The following GREM2 variants were observed in gnomAD, a reference collection of about 807,000 sequenced individuals.
GREM2 encodes gremlin-2.
In GREM2, 11 loss-of-function variants were observed where a neutral mutation model predicts 14.2. The observed-to-expected ratio is 0.78, with a 90% confidence interval of 0.49 to 1.28. The LOEUF is 1.28. Ranked by LOEUF, GREM2 falls within the 50% of genes most tolerant of loss-of-function variation. The probability of loss-of-function intolerance (pLI) is 0.00; values close to 1 mark genes in which losing one functional copy is unlikely to be tolerated. For missense variants in GREM2, 210 were observed against 218.5 expected (o/e 0.96, Z 0.24); for synonymous variants, 98 against 97.6 (o/e 1.00, Z -0.02).
intron 1 of GREM2, among the ~76,000 whole-genome samples, chr1:240,554,151 C>G (rs907929166): frequency 2.6e-5 from 4 of 152,028 alleles, no homozygotes; most frequent in African/African-American, 9.7e-5. Context: ...TGGCTCACAC[C>G]TGTAATCCCA....
At chr1:240,527,334 A>G (rs1221155136) in intron 1 of GREM2, among the ~76,000 whole-genome samples, 1 of 152,210 alleles carries the variant, frequency 6.6e-6, no homozygotes, top group East Asian at 1.9e-4. Context: ...GGGAGTCTTT[A>G]AAATAATACT....
intron 1 of GREM2, among the ~76,000 whole-genome samples, chr1:240,595,442 C>T (rs1279140684): frequency 1.3e-5 from 2 of 152,312 alleles, no homozygotes; most frequent in East Asian, 1.9e-4. Context: ...CCCTTTCCTG[C>T]ACCCCCTCCT....
intron 1 of GREM2, among the ~76,000 whole-genome samples, chr1:240,538,552 T>A (rs557159315): frequency 9.8e-4 from 148 of 150,612 alleles, no homozygotes; most frequent in African/African-American, 2.6e-3. Context: ...AAAAAAATAA[T>A]AATAATAATA....
At chr1:240,497,658 T>TC (rs1677460497) in intron 1 of GREM2, among the ~76,000 whole-genome samples, 1 of 151,780 alleles carries the variant, frequency 6.6e-6, no homozygotes, top group Admixed American at 6.6e-5. Context: ...AAAGTTTTTT[T>TC]TTTTTTGCAA....
chr1:240,580,599 GC>G (rs1287682755), intron 1 of GREM2, among the ~76,000 whole-genome samples: 1 of 152,122 alleles, frequency 6.6e-6, no homozygotes, highest in Non-Finnish European at 1.5e-5. Context: ...CTTCCTGACA[GC>G]GTCTCACTTT....
At chr1:240,513,356 C>T (rs1051198845) in intron 1 of GREM2, among the ~76,000 whole-genome samples, 2 of 152,000 alleles carry the variant, frequency 1.3e-5, no homozygotes, top group Non-Finnish European at 2.9e-5. Context: ...GCGGGCGGAT[C>T]GCGAGGTCAA....
At chr1:240,519,426 C>A (rs866569510) in intron 1 of GREM2, among the ~76,000 whole-genome samples, 1 of 151,466 alleles carries the variant, frequency 6.6e-6, no homozygotes, top group African/African-American at 2.4e-5. Context: ...AGGACTTAGC[C>A]TTTATAACCA....
Position 240,493,684 on chromosome 1 carries a change from C to T in GREM2, c.-1-208G>A, listed in dbSNP as rs1452968426. On this transcript the variant is annotated intron_variant, in intron 1 of 1. Coordinates refer to ENST00000318160, the MANE Select transcript of GREM2 (RefSeq NM_022469.4). ...AGAACTACAGGCTTGCACCACCACG[C>T]CCATCTACTTTCTTTTTATTTTTTT... Among the ~76,000 whole-genome samples, 5 of 150,192 alleles carry T rather than the reference C, an allele frequency of 3.3e-5. No individual in the cohort carries two copies. The East Asian group carries it at 6.0e-4, about 18-fold the overall frequency.
chr1:240,524,760 T>G (rs1678184563), intron 1 of GREM2, among the ~76,000 whole-genome samples: 1 of 152,202 alleles, frequency 6.6e-6, no homozygotes, highest in South Asian at 2.1e-4. Context: ...TGACCTTTCT[T>G]TTGCACACTT....
intron 1 of GREM2, among the ~76,000 whole-genome samples, chr1:240,559,154 G>A (rs1419069472): frequency 1.3e-5 from 2 of 151,930 alleles, no homozygotes; most frequent in Non-Finnish European, 2.9e-5. Flanking sequence ...TGAATTTCTC[G>A]AACTCTGTTA....
intron 1 of GREM2, among the ~76,000 whole-genome samples, chr1:240,592,432 C>T (rs4609413): frequency 0.22 from 32,682 of 151,968 alleles, 4,358 homozygotes; most frequent in South Asian, 0.31. Context: ...AAAAAAAAGC[C>T]ATTAAAATGG....
In GREM2 at chr1:240,493,469, A is replaced by C. The variant is rs201326333; in HGVS notation, c.7T>G (p.Trp3Gly). Residue 3 changes from tryptophan to glycine, a missense_variant, in exon 2 of 2, where the codon TGG becomes GGG. By Grantham distance (184) the Trp-to-Gly change is radical. Transcript: ENST00000318160. ...AGGAACAAGGACAGGGAAAGCTTCC[A>C]GAACATCCTGCAAACGAGAAAAGAG... The part of the protein sequence containing the change: MF[W>G]KLSLSLFLVA... 1.2e-4 allele frequency: 191 copies of C among 1,603,766 alleles called. No homozygotes were observed. Among genetic ancestry groups the C allele is most frequent in the Admixed American group, 1.0e-4 (6 of 58,882 alleles).
chr1:240,510,439 C>A (rs1677798495), intron 1 of GREM2, among the ~76,000 whole-genome samples: 1 of 143,676 alleles, frequency 7.0e-6, no homozygotes, highest in Non-Finnish European at 1.5e-5. Context: ...CAGGGACAGA[C>A]TGCAGACTGC....
At position 240,602,379 on chromosome 1, in the gene GREM2, T is replaced by G. The variant is rs777363591; in HGVS notation, c.-2+9505A>C. Among the ~76,000 whole-genome samples the G allele has an allele frequency of 6.7e-4, 102 of 152,236 alleles. 1 individual carries two copies. Among genetic ancestry groups the G allele is most frequent in the Non-Finnish European group, 1.2e-3 (85 of 68,048 alleles). ...ATATGTTTTTTCCTTAATTTATTTT[T>G]TTTTAAATGGGGCCATTGGTTCTGT... On this transcript the variant is annotated intron_variant, in intron 1 of 1. Transcript: ENST00000318160.
At chr1:240,595,691 G>A (rs909711798) in intron 1 of GREM2, among the ~76,000 whole-genome samples, 2 of 152,150 alleles carry the variant, frequency 1.3e-5, no homozygotes, top group Non-Finnish European at 2.9e-5. Context: ...GAGTCAGGCC[G>A]AGTTGGGTCT....
intron 1 of GREM2, among the ~76,000 whole-genome samples, chr1:240,522,998 A>T (rs997620402): frequency 6.6e-6 from 1 of 152,274 alleles, no homozygotes; most frequent in African/African-American, 2.4e-5. Flanking sequence ...TGGATAATAC[A>T]TGTACATACA....
At chr1:240,584,515 A>C (rs1679552922) in intron 1 of GREM2, among the ~76,000 whole-genome samples, 2 of 149,904 alleles carry the variant, frequency 1.3e-5, no homozygotes. Context: ...AAAAAAAAGA[A>C]GAATGAAAAT....
intron 1 of GREM2, among the ~76,000 whole-genome samples, chr1:240,549,125 C>T (rs1427736881): frequency 2.0e-5 from 3 of 152,002 alleles, no homozygotes; most frequent in South Asian, 2.1e-4. Flanking sequence ...CACCTGAGGT[C>T]GGGAGTTCAA....
chr1:240,514,089 A>C (rs56769232), intron 1 of GREM2, among the ~76,000 whole-genome samples: 23,321 of 151,854 alleles, frequency 0.15, 2,000 homozygotes, highest in Middle Eastern at 0.22. Flanking sequence ...CTACAAAAAA[A>C]TACAAAAATT....
Sources: allele counts gnomAD v4.1 joint callset (sites outside exome capture counted in the v4.1 genomes callset), GRCh38; gene constraint gnomAD v4.1.1; transcripts MANE v1.5; gene names NCBI Gene and HGNC (gene_info 2026-07-23, HGNC 2026-07-21).